CCSER1: variants seen among roughly 807,000 people sequenced by gnomAD.
CCSER1 encodes serine-rich coiled-coil domain-containing protein 1.
A neutral mutation model predicts 82.0 loss-of-function variants in CCSER1; 41 were observed. That is an observed-to-expected ratio of 0.50 (90% CI 0.39 to 0.65). CCSER1 has a LOEUF of 0.65. Among genes scored for constraint, CCSER1 ranks in the 30% least tolerant of loss-of-function variants. CCSER1 has a pLI of 0.00. For missense variants in CCSER1, 1,119 were observed against 1,064.2 expected, an observed-to-expected ratio of 1.05 and a Z score of -0.72; for synonymous variants, 414 against 383.9, an observed-to-expected ratio of 1.08 and a Z score of -0.92.
chr4:91,018,797 C>T (rs1254194007), intron 9 of CCSER1, among the ~76,000 whole-genome samples: 1 of 151,866 alleles, frequency 6.6e-6, no homozygotes, highest in African/African-American at 2.4e-5. Context: ...CTTACTTTTT[C>T]GATAAATTTA....
chr4:91,158,423 C>T (rs1219762051), intron 10 of CCSER1, among the ~76,000 whole-genome samples: 1 of 151,938 alleles, frequency 6.6e-6, no homozygotes, highest in Non-Finnish European at 1.5e-5. Flanking sequence ...CAAATTTATT[C>T]ACTTTATCCC....
chr4:90,410,374 G>C (rs371538835), intron 4 of CCSER1, among the ~76,000 whole-genome samples: 6 of 152,166 alleles, frequency 3.9e-5, no homozygotes, highest in East Asian at 3.9e-4. Flanking sequence ...TGACCACATA[G>C]TTGGAAGTAA....
intron 10 of CCSER1, among the ~76,000 whole-genome samples, chr4:91,438,561 T>C (rs991467084): frequency 2.0e-5 from 3 of 152,080 alleles, no homozygotes; most frequent in African/African-American, 4.8e-5. Flanking sequence ...CTGGATACTC[T>C]AAAAAGCAGA....
At chr4:90,491,685 C>T (rs776900394) in intron 5 of CCSER1, among the ~76,000 whole-genome samples, 10 of 152,000 alleles carry the variant, frequency 6.6e-5, no homozygotes, top group African/African-American at 2.2e-4. Context: ...TTTTGAGAGA[C>T]GTCCCACCAA....
chr4:90,505,595 G>A (rs1024800626), intron 5 of CCSER1, among the ~76,000 whole-genome samples: 2 of 152,174 alleles, frequency 1.3e-5, no homozygotes, highest in Admixed American at 6.5e-5. Flanking sequence ...TGCTAAACAA[G>A]GCGTGGATTA....
At chr4:90,733,977 T>G (rs929332937) in intron 7 of CCSER1, among the ~76,000 whole-genome samples, 7 of 152,066 alleles carry the variant, frequency 4.6e-5, no homozygotes, top group Admixed American at 4.6e-4. Flanking sequence ...AATTTTGTTC[T>G]TTTTGCTCAG....
At chr4:90,793,515 A>G (rs768209432) in intron 7 of CCSER1, among the ~76,000 whole-genome samples, 12 of 151,842 alleles carry the variant, frequency 7.9e-5, no homozygotes, top group Non-Finnish European at 1.3e-4. Context: ...ATTCTTTTCT[A>G]TTGCTGCATG....
chr4:90,956,368 A>C (rs2150363933), intron 9 of CCSER1, among the ~76,000 whole-genome samples: 1 of 152,284 alleles, frequency 6.6e-6, no homozygotes, highest in South Asian at 2.1e-4. Context: ...AGGATAGCTA[A>C]GGCATAGGAT....
intron 10 of CCSER1, among the ~76,000 whole-genome samples, chr4:91,489,985 C>T (rs1463339735): frequency 6.6e-6 from 1 of 151,980 alleles, no homozygotes; most frequent in Non-Finnish European, 1.5e-5. Flanking sequence ...AACAAGTGTA[C>T]AAAAAGGTGT....
chr4:90,566,819 T>G (rs983775334), intron 5 of CCSER1, among the ~76,000 whole-genome samples: 6 of 151,752 alleles, frequency 4.0e-5, no homozygotes, highest in Admixed American at 6.6e-5. Flanking sequence ...AGCCAGGATG[T>G]TCTCAATCTC....
intron 10 of CCSER1, among the ~76,000 whole-genome samples, chr4:91,254,423 T>G (rs80275851): frequency 0.021 from 3,242 of 152,278 alleles, 112 homozygotes; most frequent in African/African-American, 0.071. Context: ...GACAACATCA[T>G]GCTATGTGAA....
intron 5 of CCSER1, among the ~76,000 whole-genome samples, chr4:90,574,429 C>T (rs536064896): frequency 0.012 from 1,784 of 150,048 alleles, 30 homozygotes; most frequent in African/African-American, 0.041. Context: ...CCACCGCGCC[C>T]GGCTAATTTT....
chr4:90,219,621 C>A (rs532122150), intron 1 of CCSER1, among the ~76,000 whole-genome samples: 1 of 152,154 alleles, frequency 6.6e-6, no homozygotes, highest in East Asian at 1.9e-4. Flanking sequence ...AAAAATCATG[C>A]CTTGCTCTTC....
intron 5 of CCSER1, among the ~76,000 whole-genome samples, chr4:90,500,106 C>T (rs1769629575): frequency 2.0e-5 from 3 of 151,910 alleles, no homozygotes; most frequent in South Asian, 2.1e-4. Context: ...AAGACCCTGG[C>T]GTTTGAAGGG....
intron 8 of CCSER1, among the ~76,000 whole-genome samples, chr4:90,850,652 C>T (rs575372663): frequency 3.9e-5 from 6 of 152,292 alleles, no homozygotes; most frequent in South Asian, 2.1e-4. Context: ...TTGGAATGGA[C>T]GCATTTACCC....
At chr4:90,760,073 T>C (rs538049582) in intron 7 of CCSER1, among the ~76,000 whole-genome samples, 1 of 152,002 alleles carries the variant, frequency 6.6e-6, no homozygotes, top group Non-Finnish European at 1.5e-5. Flanking sequence ...GAAGAAAATA[T>C]ACCAAGTTAA....
chr4:91,046,883 A>G (rs1742550927), intron 9 of CCSER1, among the ~76,000 whole-genome samples: 1 of 151,984 alleles, frequency 6.6e-6, no homozygotes, highest in South Asian at 2.1e-4. Context: ...ATGCCCAGCT[A>G]ATTTTTTGTA....
intron 3 of CCSER1, among the ~76,000 whole-genome samples, chr4:90,380,529 A>T (rs1372524640): frequency 6.6e-6 from 1 of 152,166 alleles, no homozygotes. Flanking sequence ...TTTAGCCTCG[A>T]CTGAAATTGC....
At chr4:91,443,414 C>T (rs1009098809) in intron 10 of CCSER1, among the ~76,000 whole-genome samples, 2 of 148,392 alleles carry the variant, frequency 1.3e-5, no homozygotes, top group Non-Finnish European at 3.0e-5. Flanking sequence ...GACAAAAAAC[C>T]AAACACTGCA....
Sources: gnomAD v4.1 joint callset for allele counts (sites outside exome capture counted in the v4.1 genomes callset) on GRCh38, gnomAD v4.1.1 for gene constraint, MANE v1.5 for transcripts, NCBI Gene and HGNC (gene_info 2026-07-23, HGNC 2026-07-21) for gene names.